The following ACACA variants were observed in gnomAD, a reference collection of about 807,000 sequenced individuals.
The protein encoded by ACACA is acetyl-CoA carboxylase alpha, also known as acetyl-CoA carboxylase 1.
A neutral mutation model predicts 296.1 loss-of-function variants in ACACA; 103 were observed. The observed-to-expected ratio is 0.35, with a 90% CI of 0.30 to 0.41. The LOEUF is 0.41. Among genes scored for constraint, ACACA ranks in the 10% least tolerant of loss-of-function variants. The probability of loss-of-function intolerance (pLI) is 1.00; values close to 1 mark genes in which losing one functional copy is unlikely to be tolerated. For missense variants in ACACA, 1,554 were observed against 2,989.7 expected, an observed-to-expected ratio of 0.52 and a Z score of 11.20; for synonymous variants, 953 against 1,038.6, an observed-to-expected ratio of 0.92 and a Z score of 1.58.
At chr17:37,373,457 A>G (rs1229461424) in intron 1 of ACACA, among the ~76,000 whole-genome samples, 1 of 151,734 alleles carries the variant, frequency 6.6e-6, no homozygotes, top group Non-Finnish European at 1.5e-5. Context: ...TTGTTAGTCA[A>G]GCTGGTCTTG....
chr17:37,376,065 T>A (rs1379855591), intron 1 of ACACA: 1 of 1,596,398 alleles, frequency 6.3e-7, no homozygotes, highest in South Asian at 1.1e-5. Flanking sequence ...CAGTGGTCTG[T>A]CTGCAATGAG....
intron 1 of ACACA, chr17:37,358,861 G>A: frequency 7.3e-6 from 6 of 825,428 alleles, no homozygotes; most frequent in Non-Finnish European, 8.8e-6. Context: ...CCCCGCACCC[G>A]ATCTGGATAG....
intron 25 of ACACA, among the ~76,000 whole-genome samples, chr17:37,226,863 A>G (rs910386886): frequency 1.3e-5 from 2 of 152,256 alleles, no homozygotes; most frequent in Non-Finnish European, 2.9e-5. Flanking sequence ...GAAGGTAGAT[A>G]TAAGGCAAAA....
At chr17:37,304,516 C>T (rs1050321184) in intron 3 of ACACA, among the ~76,000 whole-genome samples, 2 of 152,154 alleles carry the variant, frequency 1.3e-5, no homozygotes, top group Non-Finnish European at 2.9e-5. Context: ...TTTAAGGGGC[C>T]AGGCGCGGTG....
At chr17:37,089,145 C>CTGGAG in intron 54 of ACACA, 71 bp from the exon 55 acceptor site, 1 of 1,607,350 alleles carries the variant, frequency 6.2e-7, no homozygotes, top group Admixed American at 1.7e-5. Flanking sequence ...TATTCAGGAT[C>CTGGAG]TGGAGTGCTT....
chr17:37,312,611 TG>T (rs2084208288), intron 3 of ACACA, among the ~76,000 whole-genome samples: 2 of 152,328 alleles, frequency 1.3e-5, no homozygotes, highest in South Asian at 4.1e-4. Flanking sequence ...AAACATTACA[TG>T]TTTTTGAACA....
In ACACA at chr17:37,274,436, C is replaced by G. The variant is rs909571925; in HGVS notation, c.902-137G>C. 6.9e-6 allele frequency: 7 copies of G among 1,020,180 alleles called. No individual in the cohort carries two copies. The African/African-American group carries it at 9.6e-5, about 14-fold the overall frequency. 63.2% of individuals were successfully genotyped at this position (1,020,180 alleles called of 1,614,324 possible). On this transcript the variant is annotated intron_variant, in intron 8 of 55. Transcript: ENST00000616317. ...GGGAGAAAGAAGGATGCCATAAAACCCTGATCAGTCCTTGGGGTTAACAGG... is the reference window on the plus strand; with the variant it reads ...GGGAGAAAGAAGGATGCCATAAAACGCTGATCAGTCCTTGGGGTTAACAGG...
chr17:37,380,184 C>A (rs2050183016), intron 1 of ACACA, among the ~76,000 whole-genome samples: 2 of 149,062 alleles, frequency 1.3e-5, no homozygotes, highest in South Asian at 2.1e-4. Context: ...AACAAAAAAC[C>A]AAACACCGCA....
chr17:37,275,366 G>A (rs983815762), intron 8 of ACACA, among the ~76,000 whole-genome samples: 1 of 151,750 alleles, frequency 6.6e-6, no homozygotes, highest in Non-Finnish European at 1.5e-5. Flanking sequence ...GTGTGGTGGC[G>A]GGTGCCTGTA....
intron 41 of ACACA, 109 bp from the exon 42 acceptor site, chr17:37,162,159 T>C (rs2076485598): frequency 8.2e-7 from 1 of 1,215,500 alleles, no homozygotes; most frequent in Non-Finnish European, 1.2e-6. Flanking sequence ...TATGTAAAGA[T>C]ACACATTGCT....
Position 37,140,892 on chromosome 17 carries a change from G to A in ACACA, c.5679+8972C>T, listed in dbSNP as rs184093659. 31 of 250,196 alleles carry A rather than the reference G, an allele frequency of 1.2e-4. 1 individual carries two copies. In the East Asian group the frequency reaches 2.5e-3, roughly 20 times the overall value. 15.5% of individuals were successfully genotyped at this position (250,196 alleles called of 1,614,324 possible). ...AGGGCCGAGATGATGCCAGTGCCCCGGGTGCAGGGATGAGGCGCACCAGCA... is the reference window on the plus strand; with the variant it reads ...AGGGCCGAGATGATGCCAGTGCCCCAGGTGCAGGGATGAGGCGCACCAGCA... On this transcript the variant is annotated intron_variant, in intron 45 of 55. Transcript: ENST00000616317.
At chr17:37,302,377 T>G (rs909134892) in intron 3 of ACACA, among the ~76,000 whole-genome samples, 1 of 152,096 alleles carries the variant, frequency 6.6e-6, no homozygotes, top group African/African-American at 2.4e-5. Context: ...GCCAGGCTAA[T>G]ATTTGTATTT....
chr17:37,117,113 G>A (rs2074294801), intron 50 of ACACA, among the ~76,000 whole-genome samples: 1 of 152,208 alleles, frequency 6.6e-6, no homozygotes, highest in African/African-American at 2.4e-5. Context: ...TGGATAAACC[G>A]TGGCAGCCAT....
intron 41 of ACACA, among the ~76,000 whole-genome samples, chr17:37,175,674 C>T (rs988852770): frequency 1.3e-5 from 2 of 152,158 alleles, no homozygotes; most frequent in African/African-American, 4.8e-5. Context: ...TAAGAAAAAT[C>T]TTGGACAACT....
intron 39 of ACACA, among the ~76,000 whole-genome samples, chr17:37,183,613 G>T (rs1431811014): frequency 2.6e-5 from 4 of 151,962 alleles, no homozygotes; most frequent in Admixed American, 2.6e-4. Context: ...CAGATCACGA[G>T]GTCAGGAGAT....
chr17:37,246,566 G>A (rs966428875), intron 19 of ACACA, among the ~76,000 whole-genome samples: 3 of 151,976 alleles, frequency 2.0e-5, no homozygotes, highest in Non-Finnish European at 4.4e-5. Flanking sequence ...CAGAGTGGCT[G>A]GGTCTACAGG....
At chr17:37,247,862 G>C (rs1489950595) in intron 18 of ACACA, 149 bp downstream of exon 18, 7 of 831,116 alleles carry the variant, frequency 8.4e-6, no homozygotes, top group South Asian at 4.9e-5. Context: ...TAATACTCTT[G>C]ATATTTTTGT....
At chr17:37,254,004 T>G (rs921592456) in intron 14 of ACACA, among the ~76,000 whole-genome samples, 2 of 152,194 alleles carry the variant, frequency 1.3e-5, no homozygotes, top group African/African-American at 4.8e-5. Flanking sequence ...TAGCAGAATT[T>G]CAAATACTAT....
At chr17:37,394,854 A>C (rs1162246628) in intron 1 of ACACA, among the ~76,000 whole-genome samples, 1 of 151,384 alleles carries the variant, frequency 6.6e-6, no homozygotes, top group East Asian at 1.9e-4. Context: ...GTGCCACTGC[A>C]CTCCAGCCTG....
Sources: gnomAD v4.1 joint callset for allele counts (sites outside exome capture counted in the v4.1 genomes callset) on GRCh38, gnomAD v4.1.1 for gene constraint, MANE v1.5 for transcripts, NCBI Gene and HGNC (gene_info 2026-07-23, HGNC 2026-07-21) for gene names.